ICE2: variants seen among roughly 807,000 people sequenced by gnomAD.
ICE2 encodes the protein little elongation complex subunit 2.
ICE2 carries 87 observed loss-of-function variants against 105.4 expected under a neutral mutation model. That is an observed-to-expected ratio of 0.83 (90% CI 0.69 to 0.99). The LOEUF (loss-of-function observed/expected upper bound fraction) is 0.99. Among genes scored for constraint, ICE2 ranks in the 50% least tolerant of loss-of-function variants. The probability of loss-of-function intolerance (pLI) is 0.00; values close to 1 mark genes in which losing one functional copy is unlikely to be tolerated. For missense variants in ICE2, 1,323 were observed against 1,146.7 expected (o/e 1.15, Z -2.22); for synonymous variants, 399 against 392.0 (o/e 1.02, Z -0.21).
chr15:60,457,279 A>C (rs2064152317), intron 5 of ICE2, among the ~76,000 whole-genome samples: 1 of 152,186 alleles, frequency 6.6e-6, no homozygotes, highest in Non-Finnish European at 1.5e-5. Flanking sequence ...TCTTTCCTCC[A>C]AACTGTTTTC....
intron 9 of ICE2, chr15:60,451,290 CTT>C: frequency 1.3e-6 from 1 of 747,718 alleles, no homozygotes; most frequent in South Asian, 6.1e-5. Context: ...CAAAGATACA[CTT>C]TTTCCCTTCC....
intron 13 of ICE2, among the ~76,000 whole-genome samples, chr15:60,435,068 G>T (rs189433014): frequency 4.4e-4 from 66 of 150,308 alleles, no homozygotes; most frequent in African/African-American, 1.6e-3. Context: ...GGATCACGAG[G>T]TCAGGAGATG....
chr15:60,475,459 C>CA (rs35367619), intron 3 of ICE2, among the ~76,000 whole-genome samples: 120 of 149,086 alleles, frequency 8.0e-4, no homozygotes, highest in East Asian at 7.0e-3. Flanking sequence ...TTTTAATTAC[C>CA]AAAAAAAAAG....
intron 6 of ICE2, 53 bp from the exon 7 acceptor site, chr15:60,455,495 TAAGAA>T (rs2064082884): frequency 8.8e-7 from 1 of 1,135,048 alleles, no homozygotes; most frequent in South Asian, 1.3e-5. Context: ...GTATTTTTTC[TAAGAA>T]AAGTATCTTT....
chr15:60,428,987 A>G (rs57270311), intron 14 of ICE2, among the ~76,000 whole-genome samples: 38 of 152,322 alleles, frequency 2.5e-4, no homozygotes, highest in African/African-American at 8.9e-4. Context: ...TCTCTAATCC[A>G]TAGATTAGAT....
intron 12 of ICE2, chr15:60,440,351 T>C (rs1252699140): frequency 6.6e-6 from 1 of 152,204 alleles, no homozygotes; most frequent in Non-Finnish European, 1.5e-5. Context: ...ATAAATATTA[T>C]AGGGTTGGAG....
chr15:60,460,422 C>T (rs1445800764), intron 5 of ICE2, among the ~76,000 whole-genome samples: 4 of 152,106 alleles, frequency 2.6e-5, no homozygotes, highest in South Asian at 2.1e-4. Flanking sequence ...TGCTGGAACC[C>T]GCGAGGGAGA....
rs2063228131 is a variant in ICE2, at chr15:60,420,132, A to C, written c.*3502T>G. 7.1e-6 allele frequency: 1 copy of C among 140,736 alleles called. No individual in the cohort carries two copies. 8.7% of individuals were successfully genotyped at this position (140,736 alleles called of 1,614,324 possible). On this transcript the variant is annotated 3_prime_UTR_variant, in exon 16 of 16. Coordinates refer to ENST00000261520, the MANE Select transcript of ICE2 (RefSeq NM_024611.6). Reference sequence around the variant, plus strand: ...AACCAATATAGCACACAAACCTAGAATCCAAAAGTAGAAATGACTAAAAAA... The same window carrying C: ...AACCAATATAGCACACAAACCTAGACTCCAAAAGTAGAAATGACTAAAAAA...
intron 11 of ICE2, 90 bp downstream of exon 11, chr15:60,447,880 C>T: frequency 9.2e-7 from 1 of 1,087,210 alleles, no homozygotes; most frequent in Non-Finnish European, 1.3e-6. Flanking sequence ...ACTATGAGTG[C>T]TCAACAATTT....
intron 8 of ICE2, 131 bp downstream of exon 8, chr15:60,454,872 C>G: frequency 1.3e-6 from 1 of 750,288 alleles, no homozygotes; most frequent in Non-Finnish European, 2.0e-6. Context: ...CACCCCCTGA[C>G]AGGCCCCGGT....
At chr15:60,478,899 C>G (rs2064850648) in intron 1 of ICE2, 104 bp downstream of exon 1, 3 of 453,476 alleles carry the variant, frequency 6.6e-6, no homozygotes, top group Non-Finnish European at 1.3e-5. Flanking sequence ...AGGGTCCTGG[C>G]CCGGCCGCCA....
chr15:60,469,836 T>C (rs778072637), intron 3 of ICE2, among the ~76,000 whole-genome samples: 1 of 152,210 alleles, frequency 6.6e-6, no homozygotes, highest in Non-Finnish European at 1.5e-5. Flanking sequence ...AGTCACCTTA[T>C]CCAAATTAAA....
intron 5 of ICE2, among the ~76,000 whole-genome samples, chr15:60,461,498 G>A (rs2064275801): frequency 6.6e-6 from 1 of 152,014 alleles, no homozygotes; most frequent in South Asian, 2.1e-4. Context: ...TAAAAGGGAG[G>A]CTTTAGTATT....
At position 60,468,229 on chromosome 15, in the gene ICE2, G is replaced by A; in HGVS notation, c.240C>T (p.Thr80=). 6.2e-7 allele frequency: 1 copy of A among 1,613,928 alleles called. No individual in the cohort carries two copies. Among genetic ancestry groups the A allele is most frequent in the African/African-American group, 1.3e-5 (1 of 75,036 alleles). The part of the protein sequence containing the change: ...SATQAKEKVK[T]TIGMVLLPKP... The stretch of plus-strand genomic sequence containing the variant: ...TTGGAAGAAGAACCATTCCAATTGT[G>A]GTTTTAACTTTTTCCTTTGCTTGAG... Residue 80 remains threonine (T), a synonymous_variant, in exon 4 of 16, where the codon ACC becomes ACT. Coordinates refer to ENST00000261520, the MANE Select transcript of ICE2 (RefSeq NM_024611.6).
chr15:60,472,575 GA>G (rs1240290352), intron 3 of ICE2, among the ~76,000 whole-genome samples: 1 of 152,088 alleles, frequency 6.6e-6, no homozygotes, highest in Non-Finnish European at 1.5e-5. Flanking sequence ...GATATTCTAA[GA>G]AAAAAATATT....
At chr15:60,457,108 A>G (rs970751349) in intron 5 of ICE2, among the ~76,000 whole-genome samples, 5 of 152,198 alleles carry the variant, frequency 3.3e-5, no homozygotes, top group African/African-American at 1.2e-4. Flanking sequence ...CAATCAAAGC[A>G]GTTATATGAA....
At chr15:60,459,990 T>G (rs905421079) in intron 5 of ICE2, among the ~76,000 whole-genome samples, 11 of 152,160 alleles carry the variant, frequency 7.2e-5, no homozygotes, top group African/African-American at 2.2e-4. Flanking sequence ...AAAGAGATTA[T>G]CAGATTTTAT....
In ICE2 at chr15:60,473,344, T is replaced by G. The variant is rs1054003133; in HGVS notation, c.146+2719A>C. On this transcript the variant is annotated intron_variant, in intron 3 of 15. Coordinates refer to ENST00000261520, the MANE Select transcript of ICE2 (RefSeq NM_024611.6). ...TCTCACTCTGTTGCCCAGGCTGGAG[T>G]GCAGTGGCGTCATCCTCGCTCACTG... Among the ~76,000 whole-genome samples, 3 of 151,752 alleles carry G rather than the reference T, an allele frequency of 2.0e-5. No individual in the cohort carries two copies. In the South Asian group the frequency reaches 6.3e-4, roughly 32 times the overall value.
chr15:60,430,221 G>C (rs560376695), intron 14 of ICE2, among the ~76,000 whole-genome samples: 1 of 152,330 alleles, frequency 6.6e-6, no homozygotes, highest in African/African-American at 2.4e-5. Context: ...TACAACTCCA[G>C]AGAGATGCGA....
Sources: allele counts gnomAD v4.1 joint callset (sites outside exome capture counted in the v4.1 genomes callset), GRCh38; gene constraint gnomAD v4.1.1; transcripts MANE v1.5; gene names NCBI Gene and HGNC (gene_info 2026-07-23, HGNC 2026-07-21).